The following NBEA variants were observed in gnomAD, a reference collection of about 807,000 sequenced individuals.
NBEA encodes the protein lysosomal-trafficking regulator 2.
A neutral mutation model predicts 343.4 loss-of-function variants in NBEA; 44 were observed. That is an observed-to-expected ratio of 0.13 (90% CI 0.10 to 0.16). NBEA has a LOEUF of 0.16. Ranked by LOEUF, NBEA falls within the 10% of genes least tolerant of loss-of-function variation. The pLI, the probability that NBEA is intolerant of heterozygous loss-of-function variation, is 1.00. For synonymous variants in NBEA, 1,175 were observed against 1,238.7 expected (o/e 0.95, Z 1.08); for missense variants, 2,555 against 3,631.3 (o/e 0.70, Z 7.62).
intron 49 of NBEA, among the ~76,000 whole-genome samples, chr13:35,644,722 A>G (rs955236279): frequency 3.3e-5 from 5 of 152,174 alleles, no homozygotes; most frequent in African/African-American, 1.2e-4. Flanking sequence ...TTTCTTTGCA[A>G]ATAATTCTCA....
intron 1 of NBEA, among the ~76,000 whole-genome samples, chr13:34,943,321 C>T (rs2059089602): frequency 6.6e-6 from 1 of 152,152 alleles, no homozygotes; most frequent in Non-Finnish European, 1.5e-5. Flanking sequence ...TTCTGGTCCT[C>T]TCCTGCCACC....
chr13:34,993,645 T>G (rs746461079), intron 1 of NBEA, among the ~76,000 whole-genome samples: 5 of 152,212 alleles, frequency 3.3e-5, no homozygotes, highest in Non-Finnish European at 7.3e-5. Context: ...AAATGATGAC[T>G]GTTTTTCGTG....
intron 12 of NBEA, among the ~76,000 whole-genome samples, chr13:35,110,454 G>T (rs1281607954): frequency 6.6e-6 from 1 of 151,970 alleles, no homozygotes; most frequent in South Asian, 2.1e-4. Flanking sequence ...TTGCTATGAA[G>T]AAATTTTTAC....
chr13:35,022,810 G>C (rs2061893382), intron 1 of NBEA, among the ~76,000 whole-genome samples: 1 of 152,208 alleles, frequency 6.6e-6, no homozygotes, highest in South Asian at 2.1e-4. Flanking sequence ...CCATTGCACA[G>C]AATTTTGAGA....
chr13:35,296,818 T>C (rs745873220), intron 35 of NBEA, among the ~76,000 whole-genome samples: 31 of 152,108 alleles, frequency 2.0e-4, no homozygotes, highest in Non-Finnish European at 4.0e-4. Flanking sequence ...TTCATTTTTG[T>C]CACACATATT....
chr13:35,195,246 T>C (rs2072495895), intron 30 of NBEA, among the ~76,000 whole-genome samples: 1 of 152,118 alleles, frequency 6.6e-6, no homozygotes. Context: ...ATAATTATTA[T>C]TTATAAGCTG....
intron 8 of NBEA, among the ~76,000 whole-genome samples, chr13:35,063,234 A>G (rs1357710025): frequency 6.6e-5 from 10 of 152,048 alleles, no homozygotes; most frequent in South Asian, 6.2e-4. Flanking sequence ...TCTAGATGCT[A>G]GGGATATAAC....
At chr13:34,970,932 C>T (rs751140203) in intron 1 of NBEA, among the ~76,000 whole-genome samples, 10 of 152,028 alleles carry the variant, frequency 6.6e-5, no homozygotes, top group South Asian at 4.1e-4. Context: ...TAGTTTAATG[C>T]GAATAGCATT....
At chr13:35,628,377 A>T in intron 49 of NBEA, 129 bp downstream of exon 49, 1 of 692,716 alleles carries the variant, frequency 1.4e-6, no homozygotes, top group Non-Finnish European at 2.2e-6. Flanking sequence ...CAGGTTCTTG[A>T]CATATGTGGA....
rs546208732 is a variant in NBEA at position 34,942,532 on chromosome 13, A to G, written c.-289A>G. The G allele has an allele frequency of 1.0e-4, 18 of 176,074 alleles. No homozygotes were observed. The highest frequency in any genetic ancestry group is 3.1e-4 in the South Asian group (2 of 6,520). 10.9% of individuals were successfully genotyped at this position (176,074 alleles called of 1,614,324 possible). ...AGAGAGCAGAGGCAGCGGCGGCGGC[A>G]GCGGCAGCGGCAGCGGCACACCTGC... On this transcript the variant is annotated 5_prime_UTR_variant, in exon 1 of 59. Transcript: ENST00000379939.
intron 16 of NBEA, 65 bp downstream of exon 16, chr13:35,118,539 A>G: frequency 8.7e-7 from 1 of 1,147,142 alleles, no homozygotes; most frequent in Non-Finnish European, 1.3e-6. Context: ...TCCTAGAATA[A>G]CTGCTATTCT....
chr13:35,596,102 G>A (rs1004032038), intron 47 of NBEA, among the ~76,000 whole-genome samples: 8 of 151,896 alleles, frequency 5.3e-5, no homozygotes, highest in African/African-American at 1.9e-4. Flanking sequence ...GTGCGTGTGT[G>A]TGCATGTGTG....
At chr13:34,973,230 G>T (rs1488293320) in intron 1 of NBEA, among the ~76,000 whole-genome samples, 1 of 151,882 alleles carries the variant, frequency 6.6e-6, no homozygotes, top group Non-Finnish European at 1.5e-5. Context: ...CCTGTAGGAG[G>T]TGGCTGGAGA....
At chr13:35,652,293 A>G (rs925179388) in intron 53 of NBEA, among the ~76,000 whole-genome samples, 1 of 150,568 alleles carries the variant, frequency 6.6e-6, no homozygotes, top group Non-Finnish European at 1.5e-5. Context: ...ATGTATACCT[A>G]TGTAACAAAC....
intron 1 of NBEA, among the ~76,000 whole-genome samples, chr13:34,946,411 A>G (rs1413923016): frequency 1.3e-5 from 2 of 152,156 alleles, no homozygotes; most frequent in Admixed American, 1.3e-4. Context: ...TGTTGCTTAT[A>G]ACATGGAAGT....
intron 38 of NBEA, among the ~76,000 whole-genome samples, chr13:35,377,349 A>G (rs1226571838): frequency 2.6e-5 from 4 of 152,204 alleles, no homozygotes; most frequent in Admixed American, 6.5e-5. Flanking sequence ...TTCCCTGCCA[A>G]TGAAGGACTA....
intron 41 of NBEA, among the ~76,000 whole-genome samples, chr13:35,473,312 A>G (rs2075735266): frequency 6.6e-6 from 1 of 152,188 alleles, no homozygotes; most frequent in Admixed American, 6.5e-5. Context: ...CAACAGCATG[A>G]AGTGTCATGC....
chr13:35,267,786 C>T (rs182465826), intron 34 of NBEA, among the ~76,000 whole-genome samples: 19 of 150,320 alleles, frequency 1.3e-4, no homozygotes, highest in Admixed American at 8.6e-4. Flanking sequence ...AAAACAAATC[C>T]AGAATGAGAT....
At chr13:35,039,321 G>T (rs1445551648) in intron 1 of NBEA, among the ~76,000 whole-genome samples, 4 of 152,146 alleles carry the variant, frequency 2.6e-5, no homozygotes, top group Non-Finnish European at 4.4e-5. Flanking sequence ...ACCAGGTTCT[G>T]TGGGTGCTCA....
Sources: allele counts gnomAD v4.1 joint callset (sites outside exome capture counted in the v4.1 genomes callset), GRCh38; gene constraint gnomAD v4.1.1; transcripts MANE v1.5; gene names NCBI Gene and HGNC (gene_info 2026-07-23, HGNC 2026-07-21).